Variants in NFATC2 observed in about 807,000 individuals in gnomAD.
NFATC2 encodes nuclear factor of activated T-cells, cytoplasmic 2.
In NFATC2, 22 loss-of-function variants were observed where a neutral mutation model predicts 87.3. That is an observed-to-expected ratio of 0.25 (90% CI 0.18 to 0.36). The LOEUF is 0.36. NFATC2 is among the 10% of genes least tolerant of loss of function. NFATC2 has a pLI of 1.00. For missense variants in NFATC2, 1,149 were observed against 1,259.1 expected (o/e 0.91, Z 1.32); for synonymous variants, 565 against 542.2 (o/e 1.04, Z -0.58).
At position 51,435,832 on chromosome 20, in the gene NFATC2, C is replaced by A. The variant is rs1018002799; in HGVS notation, c.1850-71G>T. On this transcript the variant is annotated intron_variant, in intron 6 of 10. Coordinates refer to ENST00000371564, the MANE Select transcript of NFATC2 (RefSeq NM_012340.5). ...CCAAAGATTTAAGACAAAAACTCAC[C>A]AACTTCTGTTTATCTTAGCTTGTAT... 5 of 1,307,590 alleles carry A rather than the reference C, an allele frequency of 3.8e-6. No homozygotes were observed. In the African/African-American group the frequency reaches 5.9e-5, roughly 15 times the overall value. The allele number at this position is 1,307,590 out of a possible 1,614,324, so 81.0% of individuals were successfully genotyped here.
At chr20:51,428,914 C>G (rs938468901) in intron 9 of NFATC2, among the ~76,000 whole-genome samples, 5 of 152,212 alleles carry the variant, frequency 3.3e-5, no homozygotes, top group Non-Finnish European at 7.4e-5. Context: ...AGCACGGGCC[C>G]CGTGCAGCCA....
chr20:51,471,070 G>C (rs1241675738), intron 5 of NFATC2, among the ~76,000 whole-genome samples: 1 of 152,206 alleles, frequency 6.6e-6, no homozygotes, highest in African/African-American at 2.4e-5. Flanking sequence ...TCAGGCAAAT[G>C]CCTTTTTAAA....
chr20:51,557,352 C>T (rs902074520), intron 1 of NFATC2, among the ~76,000 whole-genome samples: 1 of 152,122 alleles, frequency 6.6e-6, no homozygotes, highest in Non-Finnish European at 1.5e-5. Flanking sequence ...GCTAGGGCTG[C>T]GACCCTGGTG....
chr20:51,398,842 C>G (rs1987644606), intron 9 of NFATC2, 112 bp from the exon 10 acceptor site: 1 of 749,446 alleles, frequency 1.3e-6, no homozygotes, highest in African/African-American at 1.7e-5. Flanking sequence ...GGAACTTAAC[C>G]CTTTGGCTCT....
At chr20:51,499,374 T>C (rs1442950087) in intron 3 of NFATC2, among the ~76,000 whole-genome samples, 1 of 152,112 alleles carries the variant, frequency 6.6e-6, no homozygotes, top group African/African-American at 2.4e-5. Context: ...TGCACAGAAC[T>C]GTGAGGAAGG....
intron 5 of NFATC2, among the ~76,000 whole-genome samples, chr20:51,458,344 A>AC (rs1448009454): frequency 6.6e-6 from 1 of 151,748 alleles, no homozygotes; most frequent in Admixed American, 6.6e-5. Context: ...GGAGCACCCT[A>AC]CCCCCCAGCT....
chr20:51,541,946 CTTT>C (rs1008850570), intron 1 of NFATC2, among the ~76,000 whole-genome samples: 1 of 152,116 alleles, frequency 6.6e-6, no homozygotes. Flanking sequence ...CCCCTTCCTT[CTTT>C]TTTTGGCAAC....
intron 9 of NFATC2, among the ~76,000 whole-genome samples, chr20:51,428,625 G>A (rs1340105829): frequency 1.3e-5 from 2 of 152,204 alleles, no homozygotes; most frequent in Non-Finnish European, 2.9e-5. Context: ...CAAGGTGCAG[G>A]AAACGATAAC....
chr20:51,419,392 T>C (rs1381493915), intron 9 of NFATC2, among the ~76,000 whole-genome samples: 3 of 152,222 alleles, frequency 2.0e-5, no homozygotes, highest in Non-Finnish European at 4.4e-5. Context: ...ATGTGATTTC[T>C]GGGTTACGCC....
chr20:51,407,599 G>T (rs370004179), intron 9 of NFATC2, among the ~76,000 whole-genome samples: 2 of 152,200 alleles, frequency 1.3e-5, no homozygotes, highest in African/African-American at 4.8e-5. Context: ...GGAGGAGACA[G>T]TGCCTCTGAG....
At chr20:51,427,011 C>T (rs759993936) in intron 9 of NFATC2, among the ~76,000 whole-genome samples, 1 of 152,128 alleles carries the variant, frequency 6.6e-6, no homozygotes, top group Non-Finnish European at 1.5e-5. Context: ...AAGCTGCTAT[C>T]CTCACAAGTC....
chr20:51,534,621 C>T (rs1462431309), intron 1 of NFATC2, among the ~76,000 whole-genome samples: 4 of 152,242 alleles, frequency 2.6e-5, no homozygotes, highest in Admixed American at 6.5e-5. Context: ...GCCTGAGCCA[C>T]TGAGCCCGGC....
intron 3 of NFATC2, among the ~76,000 whole-genome samples, chr20:51,508,197 C>G (rs917563716): frequency 1.3e-5 from 2 of 152,126 alleles, no homozygotes; most frequent in African/African-American, 2.4e-5. Context: ...GCTGAAAGCA[C>G]CCCTCAGTGA....
chr20:51,558,286 G>A (rs1183012364), intron 1 of NFATC2, among the ~76,000 whole-genome samples: 1 of 152,132 alleles, frequency 6.6e-6, no homozygotes, highest in Non-Finnish European at 1.5e-5. Flanking sequence ...AGGCTACAGT[G>A]AGCCATGATC....
chr20:51,449,157 T>A (rs1460858121), intron 6 of NFATC2, among the ~76,000 whole-genome samples: 1 of 152,174 alleles, frequency 6.6e-6, no homozygotes, highest in Admixed American at 6.5e-5. Context: ...TTCCCCTTCC[T>A]TGGAAAACTT....
chr20:51,465,894 A>G (rs1987634962), intron 5 of NFATC2, among the ~76,000 whole-genome samples: 1 of 152,152 alleles, frequency 6.6e-6, no homozygotes, highest in Non-Finnish European at 1.5e-5. Flanking sequence ...AGAACAGTAT[A>G]TATCACATGC....
At chr20:51,496,479 TC>T (rs990834676) in intron 3 of NFATC2, among the ~76,000 whole-genome samples, 1 of 151,618 alleles carries the variant, frequency 6.6e-6, no homozygotes, top group African/African-American at 2.4e-5. Context: ...TGCCCCAGAT[TC>T]CCTGAGGCAA....
intron 1 of NFATC2, among the ~76,000 whole-genome samples, chr20:51,532,325 C>A (rs1359724356): frequency 6.6e-6 from 1 of 152,028 alleles, no homozygotes; most frequent in African/African-American, 2.4e-5. Context: ...TCCTCCACCC[C>A]CCTAACCACT....
chr20:51,509,786 A>C (rs902867731), intron 3 of NFATC2, among the ~76,000 whole-genome samples: 1 of 152,254 alleles, frequency 6.6e-6, no homozygotes, highest in Non-Finnish European at 1.5e-5. Flanking sequence ...GTTAGCATAA[A>C]AGCTGAAATC....
Sources: allele counts gnomAD v4.1 joint callset (sites outside exome capture counted in the v4.1 genomes callset), GRCh38; gene constraint gnomAD v4.1.1; transcripts MANE v1.5; gene names NCBI Gene and HGNC (gene_info 2026-07-23, HGNC 2026-07-21).